SNAP47: variants seen among roughly 807,000 people sequenced by gnomAD.
SNAP47 encodes the protein synaptosome associated protein 47.
A neutral mutation model predicts 31.4 loss-of-function variants in SNAP47; 20 were observed. That is an observed-to-expected ratio of 0.64 (90% CI 0.45 to 0.93). The LOEUF (loss-of-function observed/expected upper bound fraction) is 0.93. Ranked by LOEUF, SNAP47 falls within the 40% of genes least tolerant of loss-of-function variation. The pLI, the probability that SNAP47 is intolerant of heterozygous loss-of-function variation, is 0.00. For missense variants in SNAP47, 492 were observed against 528.5 expected (o/e 0.93, Z 0.68); for synonymous variants, 194 against 213.4 (o/e 0.91, Z 0.79).
intron 1 of SNAP47, among the ~76,000 whole-genome samples, chr1:227,744,818 G>A (rs1286452129): frequency 5.3e-5 from 8 of 152,176 alleles, no homozygotes; most frequent in Admixed American, 3.9e-4. Flanking sequence ...GTCCTGCCTC[G>A]GGGAGTGGCT....
chr1:227,729,476 G>A (rs1034954224), intron 1 of SNAP47, among the ~76,000 whole-genome samples: 1 of 152,192 alleles, frequency 6.6e-6, no homozygotes, highest in African/African-American at 2.4e-5. Context: ...CCACAGTGGT[G>A]GATGGGGGAC....
At position 227,780,852 on chromosome 1, in the gene SNAP47, C is replaced by A; in HGVS notation, c.*179C>A. The A allele has an allele frequency of 1.2e-6, 1 of 802,916 alleles. No homozygotes were observed. The highest frequency in any genetic ancestry group is 1.9e-6 in the Non-Finnish European group (1 of 523,414). The allele number at this position is 802,916 out of a possible 1,614,324, so 49.7% of individuals were successfully genotyped here. On this transcript the variant is annotated 3_prime_UTR_variant, in exon 5 of 5. Transcript: ENST00000617596. ...CCTCCCCAGGTGTGCACCATGCCTG[C>A]CTCCCACTTGGCTGTCCCTGCTGCT...
chr1:227,733,095 T>G, upstream of SNAP47: 2 of 1,552,294 alleles, frequency 1.3e-6, no homozygotes, highest in Non-Finnish European at 1.8e-6. Context: ...CCACATCTCC[T>G]GCGCCAGGAA....
intron 2 of SNAP47, 143 bp from the exon 3 acceptor site, chr1:227,758,852 C>T: frequency 2.0e-6 from 2 of 1,016,390 alleles, no homozygotes; most frequent in Non-Finnish European, 2.8e-6. Flanking sequence ...CCTGTGCCTC[C>T]TGCTTCATGG....
chr1:227,733,142 C>A, upstream of SNAP47: 1 of 1,192,716 alleles, frequency 8.4e-7, no homozygotes, highest in Non-Finnish European at 1.2e-6. Flanking sequence ...GCCAAGAGGG[C>A]CCTCCTGTCT....
rs1272590696 is a variant in SNAP47 at position 227,780,920 on chromosome 1, T to C, written c.*247T>C. The C allele has an allele frequency of 1.8e-6, 1 of 546,646 alleles. No homozygotes were observed. Among genetic ancestry groups the C allele is most frequent in the Non-Finnish European group, 3.2e-6 (1 of 309,452 alleles). The allele number at this position is 546,646 out of a possible 1,614,324, so 33.9% of individuals were successfully genotyped here. A position where few individuals can be genotyped will look rare whatever the true frequency, so the allele number is the denominator to read the frequency against. Reference sequence around the variant, plus strand: ...ATGTTCTGCGGATGCTGCAGAAGTGTGGACCATGGCGGGACCCCAAGGACA... The same window carrying C: ...ATGTTCTGCGGATGCTGCAGAAGTGCGGACCATGGCGGGACCCCAAGGACA... On this transcript the variant is annotated 3_prime_UTR_variant, in exon 5 of 5. Coordinates refer to ENST00000617596, the MANE Select transcript of SNAP47 (RefSeq NM_053052.4).
chr1:227,751,391 C>T (rs1364130689), intron 2 of SNAP47, among the ~76,000 whole-genome samples: 1 of 152,228 alleles, frequency 6.6e-6, no homozygotes, highest in Non-Finnish European at 1.5e-5. Flanking sequence ...CACCCCCATT[C>T]TTGTGTGCTG....
At chr1:227,767,482 T>C (rs1663491692) in intron 4 of SNAP47, among the ~76,000 whole-genome samples, 1 of 152,232 alleles carries the variant, frequency 6.6e-6, no homozygotes, top group Admixed American at 6.5e-5. Flanking sequence ...GTGCTATGTG[T>C]ACATATGTTA....
At chr1:227,729,063 G>A (rs1335957915) in intron 1 of SNAP47, among the ~76,000 whole-genome samples, 1 of 152,264 alleles carries the variant, frequency 6.6e-6, no homozygotes, top group Non-Finnish European at 1.5e-5. Context: ...TCTATCTGGG[G>A]TGTGCGTCTG....
At chr1:227,733,164 T>G (rs959287586), upstream of SNAP47, 5 of 1,044,186 alleles carry the variant, frequency 4.8e-6, no homozygotes, top group African/African-American at 8.0e-5. Flanking sequence ...CCAGCAGGGC[T>G]TGCTCAGCAG....
intron 1 of SNAP47, among the ~76,000 whole-genome samples, chr1:227,740,736 C>A (rs1571986637): frequency 6.6e-6 from 1 of 152,144 alleles, no homozygotes; most frequent in African/African-American, 2.4e-5. Context: ...CCAGGACATG[C>A]TCATGGCATG....
At position 227,763,377 on chromosome 1, in the gene SNAP47, T is replaced by C. The variant is rs1663183424; in HGVS notation, c.989-3582T>C. Reference sequence around the variant, plus strand: ...ATGACAGCCTTGCCTGTACCTCTGCTTCCCCGGGCCGTGTGTCTGTCTGCA... The same window carrying C: ...ATGACAGCCTTGCCTGTACCTCTGCCTCCCCGGGCCGTGTGTCTGTCTGCA... On this transcript the variant is annotated intron_variant, in intron 3 of 4. Coordinates refer to ENST00000617596, the MANE Select transcript of SNAP47 (RefSeq NM_053052.4). This position sits in a 1 kb window ranked among gnomAD's most constrained non-coding sequence, Gnocchi z 4.2. Among the ~76,000 whole-genome samples, 1 of 152,214 alleles carries C rather than the reference T, an allele frequency of 6.6e-6. No individual in the cohort carries two copies. Among genetic ancestry groups the C allele is most frequent in the Admixed American group, 6.5e-5 (1 of 15,278 alleles).
At chr1:227,753,958 T>G (rs1386946658) in intron 2 of SNAP47, among the ~76,000 whole-genome samples, 3 of 152,214 alleles carry the variant, frequency 2.0e-5, no homozygotes, top group African/African-American at 7.2e-5. Flanking sequence ...AGGTGGCTTG[T>G]GTTAACCAGC....
intron 4 of SNAP47, among the ~76,000 whole-genome samples, chr1:227,769,695 T>G (rs1334060189): frequency 6.6e-6 from 1 of 152,092 alleles, no homozygotes; most frequent in Non-Finnish European, 1.5e-5. Context: ...GGCCACTGTG[T>G]CACTGTGGTT....
chr1:227,742,437 T>G (rs1661670142), intron 1 of SNAP47, among the ~76,000 whole-genome samples: 2 of 152,324 alleles, frequency 1.3e-5, no homozygotes, highest in Admixed American at 1.3e-4. Context: ...GCTGGTGACC[T>G]TAGGTCTTTT....
upstream of SNAP47, chr1:227,732,556 C>T: frequency 6.2e-7 from 1 of 1,613,502 alleles, no homozygotes; most frequent in Non-Finnish European, 8.5e-7. Flanking sequence ...TGTTCGAAAC[C>T]CAACCCAGCA....
chr1:227,744,677 G>C (rs1661840028), intron 1 of SNAP47, among the ~76,000 whole-genome samples: 1 of 152,042 alleles, frequency 6.6e-6, no homozygotes, highest in African/African-American at 2.4e-5. Context: ...GAGACCAATG[G>C]CAGATCCTGG....
chr1:227,760,127 T>G (rs1214587487), intron 3 of SNAP47, among the ~76,000 whole-genome samples: 1 of 152,184 alleles, frequency 6.6e-6, no homozygotes, highest in African/African-American at 2.4e-5. Context: ...TGCTCAGTTA[T>G]GGTGATGCAG....
chr1:227,777,474 T>C (rs547174181), intron 4 of SNAP47, among the ~76,000 whole-genome samples: 1 of 152,316 alleles, frequency 6.6e-6, no homozygotes, highest in African/African-American at 2.4e-5. Context: ...CTGATCTCCA[T>C]GTGGCTCCTG....
Sources: gnomAD v4.1 joint callset for allele counts (sites outside exome capture counted in the v4.1 genomes callset) on GRCh38, gnomAD v4.1.1 for gene constraint, Gnocchi (gnomAD v3.1) non-coding constraint, MANE v1.5 for transcripts, NCBI Gene and HGNC (gene_info 2026-07-23, HGNC 2026-07-21) for gene names.